The following CACNA2D3 variants were observed in gnomAD, a reference collection of about 807,000 sequenced individuals.
The protein encoded by CACNA2D3 is calcium voltage-gated channel auxiliary subunit alpha2delta 3, also known as voltage-dependent calcium channel subunit alpha-2/delta-3.
Under a neutral mutation model 160.6 loss-of-function variants are expected in CACNA2D3, and 60 were observed. The observed-to-expected ratio is 0.37, with a 90% CI of 0.30 to 0.46. The LOEUF is 0.46. CACNA2D3 is among the 20% of genes least tolerant of loss of function. The pLI is 1.00. For missense variants in CACNA2D3, 1,205 were observed against 1,365.0 expected (o/e 0.88, Z 1.85); for synonymous variants, 558 against 492.9 (o/e 1.13, Z -1.75).
At chr3:54,423,547 G>A (rs1699869124) in intron 4 of CACNA2D3, among the ~76,000 whole-genome samples, 1 of 152,160 alleles carries the variant, frequency 6.6e-6, no homozygotes, top group African/African-American at 2.4e-5. Flanking sequence ...TGCTTATGTG[G>A]AGGGCTTTGT....
intron 2 of CACNA2D3, among the ~76,000 whole-genome samples, chr3:54,139,214 C>T (rs1222988965): frequency 6.6e-6 from 1 of 152,214 alleles, no homozygotes; most frequent in Non-Finnish European, 1.5e-5. Context: ...TGGTTCTGGG[C>T]TTTCTTCTTT....
rs560464703 is a variant in CACNA2D3 at position 54,422,841 on chromosome 3, C to T, written c.381+36067C>T. 3.3e-5 allele frequency among the ~76,000 whole-genome samples: 5 copies of T among 152,188 alleles called. No individual in the cohort carries two copies. The South Asian group carries it at 6.2e-4, about 19-fold the overall frequency. The stretch of plus-strand genomic sequence containing the variant: ...ATCTGCCTACAGAAACACTAACTAA[C>T]ACATGTGCACCAGAATGCGGTGTTG... On this transcript the variant is annotated intron_variant, in intron 4 of 37. Coordinates refer to ENST00000474759, the MANE Select transcript of CACNA2D3 (RefSeq NM_018398.3).
Position 54,431,269 on chromosome 3 carries a change from C to T in CACNA2D3, c.381+44495C>T, listed in dbSNP as rs1421476529. Among the ~76,000 whole-genome samples, 7 of 148,678 alleles carry T rather than the reference C, an allele frequency of 4.7e-5. No individual in the cohort carries two copies. The East Asian group carries it at 1.4e-3, about 30-fold the overall frequency. On this transcript the variant is annotated intron_variant, in intron 4 of 37. Coordinates refer to ENST00000474759, the MANE Select transcript of CACNA2D3 (RefSeq NM_018398.3). ...GGAAAATCGCTTGAATCCAGGTGGC[C>T]GAGGTTGCAGTGAGCTGAGATTGTG...
chr3:54,642,739 G>A (rs1392454260), intron 11 of CACNA2D3, among the ~76,000 whole-genome samples: 1 of 152,014 alleles, frequency 6.6e-6, no homozygotes, highest in Non-Finnish European at 1.5e-5. Flanking sequence ...TTCTGATCCT[G>A]CCTTTGCTTT....
At chr3:54,637,817 G>A (rs1424471303) in intron 10 of CACNA2D3, 1 of 152,066 alleles carries the variant, frequency 6.6e-6, no homozygotes, top group Non-Finnish European at 1.5e-5. Context: ...AGCTCTGGGA[G>A]TGGCTGCCAG....
Position 54,826,093 on chromosome 3 carries a change from A to G in CACNA2D3, c.1398+9223A>G, listed in dbSNP as rs1006573484. 3.9e-5 allele frequency among the ~76,000 whole-genome samples: 6 copies of G among 152,240 alleles called. No homozygotes were observed. In the South Asian group the frequency reaches 8.3e-4, roughly 21 times the overall value. On this transcript the variant is annotated intron_variant, in intron 14 of 37. Coordinates refer to ENST00000474759, the MANE Select transcript of CACNA2D3 (RefSeq NM_018398.3). ...ACTAAAAAATTAATTATTTTAAAGA[A>G]GCAACTGCCTTTTGGTTTTTCTTAG...
At chr3:54,998,624 T>TTCAG (rs1255343933) in intron 31 of CACNA2D3, among the ~76,000 whole-genome samples, 1 of 152,178 alleles carries the variant, frequency 6.6e-6, no homozygotes, top group Non-Finnish European at 1.5e-5. Flanking sequence ...TTGCTCCCCA[T>TTCAG]TCAGTGTTCA....
At chr3:54,347,378 T>C (rs973653367) in intron 3 of CACNA2D3, among the ~76,000 whole-genome samples, 9 of 152,180 alleles carry the variant, frequency 5.9e-5, no homozygotes, top group African/African-American at 2.2e-4. Context: ...TTTGGGAGTA[T>C]AGGGGAGCTG....
At chr3:54,932,755 C>T (rs1701222288) in intron 27 of CACNA2D3, among the ~76,000 whole-genome samples, 1 of 152,202 alleles carries the variant, frequency 6.6e-6, no homozygotes, top group Non-Finnish European at 1.5e-5. Flanking sequence ...GCCAAGTGCT[C>T]CTCCATCCCT....
chr3:54,989,866 G>A (rs1221291297), intron 31 of CACNA2D3, among the ~76,000 whole-genome samples: 1 of 152,186 alleles, frequency 6.6e-6, no homozygotes, highest in African/African-American at 2.4e-5. Flanking sequence ...ACCATATGAT[G>A]GGTCTCTGGT....
At chr3:54,799,862 T>A (rs1190044501) in intron 13 of CACNA2D3, among the ~76,000 whole-genome samples, 1 of 152,158 alleles carries the variant, frequency 6.6e-6, no homozygotes, top group Non-Finnish European at 1.5e-5. Context: ...TGAAAGGAAG[T>A]ATCAGTACCT....
At position 54,550,135 on chromosome 3, in the gene CACNA2D3, T is replaced by A. The variant is rs190648352; in HGVS notation, c.545-12665T>A. Among the ~76,000 whole-genome samples, 51 of 152,338 alleles carry A rather than the reference T, an allele frequency of 3.3e-4. 1 individual carries two copies. In the East Asian group the frequency reaches 9.1e-3, roughly 27 times the overall value. ...GGCTTCAAATCCCATAGGTATTTTT[T>A]AAATTCTGGTTGACGGAATGGCTAA... On this transcript the variant is annotated intron_variant, in intron 5 of 37. Transcript: ENST00000474759.
intron 2 of CACNA2D3, among the ~76,000 whole-genome samples, chr3:54,296,980 A>G (rs1161624932): frequency 6.6e-6 from 1 of 152,052 alleles, no homozygotes; most frequent in Non-Finnish European, 1.5e-5. Context: ...CTCAGGGAAT[A>G]CCTCCTCCAC....
chr3:54,537,068 CT>C (rs1476255318), intron 5 of CACNA2D3, among the ~76,000 whole-genome samples: 1 of 151,208 alleles, frequency 6.6e-6, no homozygotes, highest in Non-Finnish European at 1.5e-5. Context: ...TTGTTATCCT[CT>C]TTTTACAGAT....
intron 8 of CACNA2D3, among the ~76,000 whole-genome samples, chr3:54,580,155 T>C (rs1177740592): frequency 6.6e-6 from 1 of 152,060 alleles, no homozygotes; most frequent in East Asian, 1.9e-4. Context: ...AGTTTCCCCA[T>C]CTGTAAAGGG....
intron 17 of CACNA2D3, among the ~76,000 whole-genome samples, chr3:54,854,130 A>C (rs1699117623): frequency 6.6e-6 from 1 of 152,222 alleles, no homozygotes; most frequent in South Asian, 2.1e-4. Context: ...TTAGTTTCAA[A>C]GAAAGAATTA....
intron 27 of CACNA2D3, among the ~76,000 whole-genome samples, chr3:54,919,699 T>A (rs111397235): frequency 1.1e-4 from 16 of 152,336 alleles, no homozygotes; most frequent in African/African-American, 3.4e-4. Context: ...TCTTTGACTT[T>A]GGGAAAATGT....
At chr3:54,778,669 G>A (rs1001739201) in intron 13 of CACNA2D3, among the ~76,000 whole-genome samples, 3 of 152,148 alleles carry the variant, frequency 2.0e-5, no homozygotes, top group African/African-American at 7.2e-5. Flanking sequence ...GTTAACTGTC[G>A]CATCCTCAAT....
chr3:54,153,693 C>G (rs1329963848), intron 2 of CACNA2D3, among the ~76,000 whole-genome samples: 2 of 152,086 alleles, frequency 1.3e-5, no homozygotes, highest in Non-Finnish European at 2.9e-5. Flanking sequence ...GCATAGAAGA[C>G]TGGTGTGTGT....
Sources: allele counts gnomAD v4.1 joint callset (sites outside exome capture counted in the v4.1 genomes callset), GRCh38; gene constraint gnomAD v4.1.1; transcripts MANE v1.5; gene names NCBI Gene and HGNC (gene_info 2026-07-23, HGNC 2026-07-21).